Variants in CDH2 observed in about 807,000 individuals in gnomAD.
The protein encoded by CDH2 is cadherin-2.
CDH2 carries 17 observed loss-of-function variants against 92.0 expected under a neutral mutation model. The ratio of observed to expected loss-of-function variants is 0.18; its 90% CI spans 0.13 to 0.28. CDH2 has a LOEUF of 0.28. CDH2 is among the 10% of genes least tolerant of loss of function. The pLI, the probability that CDH2 is intolerant of heterozygous loss-of-function variation, is 1.00. For missense variants in CDH2, 862 were observed against 1,133.1 expected (o/e 0.76, Z 3.44); for synonymous variants, 419 against 415.9 (o/e 1.01, Z -0.09).
At chr18:28,155,418 CTT>C (rs2016192813) in intron 1 of CDH2, among the ~76,000 whole-genome samples, 1 of 152,168 alleles carries the variant, frequency 6.6e-6, no homozygotes, top group East Asian at 1.9e-4. Context: ...ACTTTTATCT[CTT>C]TGTTCTGTAA....
In CDH2 at chr18:28,011,855, C is replaced by G; in HGVS notation, c.537G>C (p.Glu179Asp). The G allele has an allele frequency of 6.2e-7, 1 of 1,614,026 alleles. No homozygotes were observed. Among genetic ancestry groups the G allele is most frequent in the Non-Finnish European group, 8.5e-7 (1 of 1,179,916 alleles). ...AATTGTGCCACCTTACCCTGACAAG[C>G]TCTTGAGGAAAAGGTCCCCTGGAGT... is the stretch of plus-strand genomic sequence containing the variant. Reference protein sequence around the residue: ...PENSRGPFPQELVRIRSDRDK... With the variant: ...PENSRGPFPQDLVRIRSDRDK... The change falls in exon 4 of 16, where the codon GAG becomes GAC. Residue 179 changes from glutamate (E) to aspartate (D), a missense_variant. Transcript: ENST00000269141.
chr18:28,013,545 A>G, intron 3 of CDH2, 138 bp downstream of exon 3: 1 of 672,598 alleles, frequency 1.5e-6, no homozygotes. Flanking sequence ...ACAACAAAAT[A>G]TTATTAAAAT....
At chr18:28,095,170 A>T (rs1223305213) in intron 2 of CDH2, among the ~76,000 whole-genome samples, 1 of 152,104 alleles carries the variant, frequency 6.6e-6, no homozygotes, top group African/African-American at 2.4e-5. Context: ...TCATATGTAT[A>T]TGCTCCATGT....
intron 2 of CDH2, among the ~76,000 whole-genome samples, chr18:28,043,486 AT>A (rs2013999432): frequency 4.0e-5 from 3 of 75,704 alleles, no homozygotes; most frequent in African/African-American, 1.6e-4. Context: ...ATATATATAT[AT>A]ATATATAAAT....
chr18:28,145,768 A>G (rs2016025682), intron 2 of CDH2, among the ~76,000 whole-genome samples: 1 of 152,022 alleles, frequency 6.6e-6, no homozygotes, highest in African/African-American at 2.4e-5. Flanking sequence ...CGATGCTGGT[A>G]TCCTTTAACA....
intron 2 of CDH2, among the ~76,000 whole-genome samples, chr18:28,116,956 G>A (rs184778924): frequency 6.6e-6 from 1 of 152,208 alleles, no homozygotes. Context: ...AGGCGGAGTA[G>A]GGTTCACTAA....
intron 2 of CDH2, among the ~76,000 whole-genome samples, chr18:28,092,259 G>A (rs2015050060): frequency 1.3e-5 from 2 of 152,042 alleles, no homozygotes; most frequent in African/African-American, 4.8e-5. Flanking sequence ...GCCAAGAAAG[G>A]CAGACCTTCA....
chr18:28,040,835 C>T (rs893475499), intron 2 of CDH2, among the ~76,000 whole-genome samples: 1 of 152,202 alleles, frequency 6.6e-6, no homozygotes, highest in Non-Finnish European at 1.5e-5. Flanking sequence ...TTATTATTCT[C>T]ACATGGAAAG....
In CDH2 at chr18:28,172,102, T is replaced by TGTGC. The variant is rs1035922970; in HGVS notation, c.60+4860_60+4861insGCAC. On this transcript the variant is annotated intron_variant, in intron 1 of 15. Coordinates refer to ENST00000269141, the MANE Select transcript of CDH2 (RefSeq NM_001792.5). Reference sequence around the variant, plus strand: ...GTGTGTGTGTGTGTGTGTGTGTGTGTGCGTGTGTGTATGCAATCCAAGGGC... The same window carrying TGTGC: ...GTGTGTGTGTGTGTGTGTGTGTGTGTGTGCGCGTGTGTGTATGCAATCCAAGGGC... Among the ~76,000 whole-genome samples the TGTGC allele has an allele frequency of 4.6e-5, 7 of 151,510 alleles. No homozygotes were observed. The East Asian group carries it at 1.4e-3, about 29-fold the overall frequency.
intron 2 of CDH2, among the ~76,000 whole-genome samples, chr18:28,034,241 A>G (rs1467129379): frequency 2.6e-5 from 4 of 152,020 alleles, no homozygotes; most frequent in African/African-American, 9.7e-5. Flanking sequence ...ATACGGCACT[A>G]AAACCATGCA....
Position 28,114,451 on chromosome 18 carries a change from T to C in CDH2, c.172+33222A>G, listed in dbSNP as rs1217049639. On this transcript the variant is annotated intron_variant, in intron 2 of 15. Coordinates refer to ENST00000269141, the MANE Select transcript of CDH2 (RefSeq NM_001792.5). ...TTTCTATTGGTCCTCATATAAACAG[T>C]ATATAAACAGAAACATATATCCAAT... is the stretch of plus-strand genomic sequence containing the variant. Among the ~76,000 whole-genome samples the C allele has an allele frequency of 3.3e-5, 5 of 152,190 alleles. No homozygotes were observed. The East Asian group carries it at 9.7e-4, about 29-fold the overall frequency.
chr18:28,176,733 G>A (rs1568028545), intron 1 of CDH2, among the ~76,000 whole-genome samples: 1 of 151,850 alleles, frequency 6.6e-6, no homozygotes, highest in Admixed American at 6.6e-5. Context: ...AGCCCCTAGA[G>A]CCCCGCCAGG....
intron 4 of CDH2, 135 bp downstream of exon 4, chr18:28,011,711 A>G (rs1259205023): frequency 2.5e-6 from 2 of 812,362 alleles, no homozygotes; most frequent in Non-Finnish European, 3.9e-6. Flanking sequence ...AACACTACAG[A>G]AATTCTATCT....
intron 1 of CDH2, among the ~76,000 whole-genome samples, chr18:28,153,258 C>A (rs957683059): frequency 2.0e-5 from 3 of 152,140 alleles, no homozygotes; most frequent in Admixed American, 2.0e-4. Flanking sequence ...CCAAAACCAT[C>A]CTGATCTTTT....
chr18:28,170,058 C>A (rs2016442189), intron 1 of CDH2, among the ~76,000 whole-genome samples: 1 of 152,184 alleles, frequency 6.6e-6, no homozygotes, highest in South Asian at 2.1e-4. Context: ...GCACTGAGAA[C>A]TCAGCATAAA....
intron 2 of CDH2, among the ~76,000 whole-genome samples, chr18:28,042,887 T>A (rs2013975289): frequency 6.6e-6 from 1 of 152,196 alleles, no homozygotes; most frequent in Admixed American, 6.5e-5. Flanking sequence ...TCCTTCCTAC[T>A]AAGGAAACAT....
At chr18:28,024,310 T>A (rs2013491038) in intron 2 of CDH2, among the ~76,000 whole-genome samples, 1 of 151,774 alleles carries the variant, frequency 6.6e-6, no homozygotes, top group African/African-American at 2.4e-5. Flanking sequence ...TGCTCAGAGG[T>A]TTTCAGCATT....
chr18:27,952,445 G>T, intron 15 of CDH2, 86 bp from the exon 16 acceptor site: 1 of 1,012,106 alleles, frequency 9.9e-7, no homozygotes, highest in Non-Finnish European at 1.5e-6. Context: ...GAATTCACGG[G>T]ATCAAACAAA....
At chr18:28,154,494 G>C (rs186767940) in intron 1 of CDH2, among the ~76,000 whole-genome samples, 1 of 152,340 alleles carries the variant, frequency 6.6e-6, no homozygotes, top group East Asian at 1.9e-4. Flanking sequence ...TCCTTGTCTA[G>C]AGAGGACAGA....
Sources: gnomAD v4.1 joint callset for allele counts (sites outside exome capture counted in the v4.1 genomes callset) on GRCh38, gnomAD v4.1.1 for gene constraint, MANE v1.5 for transcripts, NCBI Gene and HGNC (gene_info 2026-07-23, HGNC 2026-07-21) for gene names.